Variants in SYNE1 observed in about 807,000 individuals in gnomAD.
SYNE1 encodes nesprin-1.
Under a neutral mutation model 1,111.0 loss-of-function variants are expected in SYNE1, and 616 were observed. The ratio of observed to expected loss-of-function variants is 0.55; its 90% CI spans 0.52 to 0.59. The LOEUF is 0.59. SYNE1 is among the 20% of genes least tolerant of loss of function. SYNE1 has a pLI of 0.00. For missense variants in SYNE1, 10,006 were observed against 10,417.0 expected (o/e 0.96, Z 1.72); for synonymous variants, 3,855 against 3,825.8 (o/e 1.01, Z -0.28).
intron 122 of SYNE1, 103 bp from the exon 123 acceptor site, chr6:152,213,862 GAACC>G: frequency 1.3e-6 from 2 of 1,512,852 alleles, no homozygotes; most frequent in Non-Finnish European, 1.8e-6. Flanking sequence ...AATTCTAATT[GAACC>G]ACCACAAAGC....
At chr6:152,500,696 T>A (rs752793137) in intron 10 of SYNE1, among the ~76,000 whole-genome samples, 6 of 152,138 alleles carry the variant, frequency 3.9e-5, no homozygotes, top group Non-Finnish European at 8.8e-5. Flanking sequence ...ACGCCTGTAA[T>A]CCCAGCACTT....
At position 152,369,609 on chromosome 6, in the gene SYNE1, T is replaced by C. The variant is rs1306809887; in HGVS notation, c.9513A>G (p.Leu3171=). 2 of 1,614,052 alleles carry C rather than the reference T, an allele frequency of 1.2e-6. No homozygotes were observed. Among genetic ancestry groups the C allele is most frequent in the East Asian group, 2.2e-5 (1 of 44,890 alleles). The change falls in exon 60 of 146, where the codon CTA becomes CTG. Residue 3171 remains leucine, a synonymous_variant. Transcript: ENST00000367255. Reference sequence around the variant, plus strand: ...CTTCAAAGTCCTTCATTTGGATCTTTAGATTCTGCAAGGTTTTAGATAGTG... The same window carrying C: ...CTTCAAAGTCCTTCATTTGGATCTTCAGATTCTGCAAGGTTTTAGATAGTG... The part of the protein sequence containing the change: ...LHQKESALEN[L]KIQMKDFEVS...
intron 33 of SYNE1, 169 bp from the exon 34 acceptor site, chr6:152,434,114 T>C (rs1418280695): frequency 1.6e-6 from 1 of 636,676 alleles, no homozygotes; most frequent in Non-Finnish European, 2.7e-6. Flanking sequence ...GAGTAGTTTA[T>C]CAGGTTTTCC....
intron 6 of SYNE1, among the ~76,000 whole-genome samples, chr6:152,515,473 A>T (rs185074944): frequency 6.6e-6 from 1 of 152,326 alleles, no homozygotes; most frequent in South Asian, 2.1e-4. Flanking sequence ...AATTTTAAAC[A>T]TTAATTACAT....
chr6:152,241,438 T>C (rs2085631994), intron 107 of SYNE1, among the ~76,000 whole-genome samples: 1 of 151,958 alleles, frequency 6.6e-6, no homozygotes, highest in African/African-American at 2.4e-5. Context: ...TCCCATAGTC[T>C]AGAAGGCTGG....
rs202081505 is a variant in SYNE1, at chr6:152,425,502, G to C, written c.5146C>G (p.Leu1716Val). 1.1e-5 allele frequency: 17 copies of C among 1,614,144 alleles called. No homozygotes were observed. Among genetic ancestry groups the C allele is most frequent in the Non-Finnish European group, 1.4e-5 (16 of 1,180,032 alleles). Residue 1716 changes from leucine to valine, a missense_variant, in exon 39 of 146, where the codon CTT (leucine) becomes GTT (valine). By Grantham distance (32) the Leu-to-Val change is conservative. Around this residue, in one of 7 missense-constraint regions of SYNE1, gnomAD observed 1,971 missense variants for 2,084.1 expected, o/e 0.95. Transcript: ENST00000367255. Reference sequence around the variant, plus strand: ...AACAATGATTCCTTCAATTGCAAAAGTTTGCTATAGAATGAGGCCTGGGAT... The same window carrying C: ...AACAATGATTCCTTCAATTGCAAAACTTTGCTATAGAATGAGGCCTGGGAT... ...VVSQASFYSK[L>V]LQLKESLFSV...
At chr6:152,141,070 TAA>T in intron 139 of SYNE1, 131 bp downstream of exon 139, 1 of 1,313,854 alleles carries the variant, frequency 7.6e-7, no homozygotes, top group Non-Finnish European at 1.1e-6. Context: ...GAGACTGTTA[TAA>T]CTTGGAAGGA....
chr6:152,545,596 A>G (rs1410449046), intron 3 of SYNE1, among the ~76,000 whole-genome samples: 1 of 152,206 alleles, frequency 6.6e-6, no homozygotes, highest in Admixed American at 6.5e-5. Flanking sequence ...ACATAAATTA[A>G]TTAATACTAA....
chr6:152,447,435 TAG>T, intron 29 of SYNE1, 21 bp downstream of exon 29: 1 of 1,613,272 alleles, frequency 6.2e-7, no homozygotes, highest in South Asian at 1.1e-5. Context: ...ACTGTCTGTT[TAG>T]AGTGTGAGTA....
Position 152,313,469 on chromosome 6 carries a change from T to C in SYNE1, c.16711-2596A>G, listed in dbSNP as rs556539730. Among the ~76,000 whole-genome samples, 257 of 151,128 alleles carry C rather than the reference T, an allele frequency of 1.7e-3. 2 individuals are homozygous for C. The highest frequency in any genetic ancestry group is 6.8e-3 in the Middle Eastern group (2 of 294). Reference sequence around the variant, plus strand: ...AACACAATGGATTTTCTTTTCTTTTTTTTTTTTTTTTTGAAATGGAGTCTT... The same window carrying C: ...AACACAATGGATTTTCTTTTCTTTTCTTTTTTTTTTTTGAAATGGAGTCTT... On this transcript the variant is annotated intron_variant, in intron 87 of 145. Transcript: ENST00000367255.
chr6:152,318,544 A>G (rs2095793563), intron 85 of SYNE1, among the ~76,000 whole-genome samples: 1 of 152,234 alleles, frequency 6.6e-6, no homozygotes, highest in African/African-American at 2.4e-5. Context: ...CAACAGAGGA[A>G]GAACACAGAT....
At chr6:152,381,825 C>T (rs1424100209) in intron 55 of SYNE1, among the ~76,000 whole-genome samples, 1 of 152,160 alleles carries the variant, frequency 6.6e-6, no homozygotes, top group Non-Finnish European at 1.5e-5. Flanking sequence ...TTCCATTCTA[C>T]TAGGAATCAA....
chr6:152,488,892 T>C (rs1287638516), intron 11 of SYNE1, among the ~76,000 whole-genome samples: 3 of 152,188 alleles, frequency 2.0e-5, no homozygotes, highest in Non-Finnish European at 4.4e-5. Context: ...CTAGATGGGA[T>C]TCATTTTGAC....
chr6:152,578,072 T>A (rs184420118), intron 3 of SYNE1, among the ~76,000 whole-genome samples: 1 of 151,516 alleles, frequency 6.6e-6, no homozygotes, highest in South Asian at 2.1e-4. Context: ...GCAAAAATGG[T>A]TTTTTTTGCT....
intron 10 of SYNE1, among the ~76,000 whole-genome samples, chr6:152,502,429 G>A (rs551618846): frequency 6.6e-6 from 1 of 152,130 alleles, no homozygotes; most frequent in Non-Finnish European, 1.5e-5. Context: ...TTTGTTATTA[G>A]CAATGCTTTC....
intron 14 of SYNE1, among the ~76,000 whole-genome samples, chr6:152,477,209 A>C (rs2098840103): frequency 6.6e-6 from 1 of 152,166 alleles, no homozygotes; most frequent in East Asian, 1.9e-4. Flanking sequence ...TGGAGTTGAC[A>C]TTATAGTGCA....
intron 134 of SYNE1, 92 bp from the exon 135 acceptor site, chr6:152,151,782 A>C: frequency 6.5e-7 from 1 of 1,546,352 alleles, no homozygotes; most frequent in Non-Finnish European, 8.8e-7. Flanking sequence ...GTGTTCTGTA[A>C]AGTCATTTTC....
intron 21 of SYNE1, among the ~76,000 whole-genome samples, chr6:152,460,297 C>G (rs972067936): frequency 6.6e-6 from 1 of 151,994 alleles, no homozygotes; most frequent in Non-Finnish European, 1.5e-5. Flanking sequence ...TTGCCCACAA[C>G]CTTTAAATTA....
chr6:152,259,016 A>C (rs2091480265), intron 101 of SYNE1, among the ~76,000 whole-genome samples: 1 of 152,068 alleles, frequency 6.6e-6, no homozygotes, highest in Admixed American at 6.6e-5. Flanking sequence ...AAGTGTTGGG[A>C]TTACAGGTGT....
Sources: allele counts gnomAD v4.1 joint callset (sites outside exome capture counted in the v4.1 genomes callset), GRCh38; gene constraint gnomAD v4.1.1; regional missense constraint gnomAD v4.1.1; transcripts MANE v1.5; gene names NCBI Gene and HGNC (gene_info 2026-07-23, HGNC 2026-07-21).